FREM1: variants seen among roughly 807,000 people sequenced by gnomAD.
FREM1 encodes the protein FRAS1-related extracellular matrix protein 1.
In FREM1, 220 loss-of-function variants were observed where a neutral mutation model predicts 210.1. The observed-to-expected ratio is 1.05, with a 90% confidence interval of 0.94 to 1.17. The LOEUF is 1.17. FREM1 is among the 50% of genes most tolerant of loss of function. FREM1 has a pLI of 0.00. For missense variants in FREM1, 3,454 were observed against 2,675.5 expected (o/e 1.29, Z -6.42); for synonymous variants, 1,189 against 980.2 (o/e 1.21, Z -3.98).
chr9:14,786,828 T>C (rs1471267294), intron 23 of FREM1, among the ~76,000 whole-genome samples: 1 of 152,154 alleles, frequency 6.6e-6, no homozygotes, highest in Non-Finnish European at 1.5e-5. Context: ...CCACAGATGC[T>C]ACAGACAGAA....
intron 18 of FREM1, among the ~76,000 whole-genome samples, chr9:14,806,112 T>C (rs555626766): frequency 6.6e-6 from 1 of 152,318 alleles, no homozygotes; most frequent in African/African-American, 2.4e-5. Flanking sequence ...GTATTTTCCA[T>C]AAGTAAAATT....
chr9:14,794,472 C>G (rs1851981063), intron 21 of FREM1, among the ~76,000 whole-genome samples: 1 of 152,168 alleles, frequency 6.6e-6, no homozygotes, highest in South Asian at 2.1e-4. Context: ...TGGAGTGAGG[C>G]ACTGCGGACA....
chr9:14,749,396 A>G (rs907015830), intron 30 of FREM1, among the ~76,000 whole-genome samples: 1 of 152,136 alleles, frequency 6.6e-6, no homozygotes, highest in African/African-American at 2.4e-5. Flanking sequence ...GAAAGAGAAG[A>G]GAAGGGAATA....
chr9:14,845,454 G>A lies in FREM1; in HGVS notation c.1393+506C>T, dbSNP rs746266114. The stretch of plus-strand genomic sequence containing the variant: ...CAAGTAGTTGGGACTACAGGCGCCC[G>A]CCACCATGCCCGGCTAATTTTTGTA... On this transcript the variant is annotated intron_variant, in intron 8 of 36. Transcript: ENST00000380880. Among the ~76,000 whole-genome samples, 15 of 152,078 alleles carry A rather than the reference G, an allele frequency of 9.9e-5. No individual in the cohort carries two copies. The South Asian group carries it at 1.2e-3, about 13-fold the overall frequency.
chr9:14,797,157 T>C (rs1852575859), intron 21 of FREM1, among the ~76,000 whole-genome samples: 1 of 152,252 alleles, frequency 6.6e-6, no homozygotes, highest in African/African-American at 2.4e-5. Context: ...TATATATTAA[T>C]TGCACTTTGG....
intron 29 of FREM1, among the ~76,000 whole-genome samples, chr9:14,755,419 C>A (rs560976111): frequency 6.6e-6 from 1 of 152,188 alleles, no homozygotes; most frequent in Non-Finnish European, 1.5e-5. Flanking sequence ...GTATGCAGAA[C>A]ATCTCCTTGG....
intron 1 of FREM1, among the ~76,000 whole-genome samples, chr9:14,880,811 C>T (rs2132133027): frequency 6.6e-6 from 1 of 152,164 alleles, no homozygotes; most frequent in African/African-American, 2.4e-5. Context: ...CTTCTGACAG[C>T]CAGCGCAAAG....
intron 17 of FREM1, 106 bp from the exon 18 acceptor site, chr9:14,806,952 C>G: frequency 1.7e-6 from 1 of 582,002 alleles, no homozygotes; most frequent in Non-Finnish European, 2.9e-6. Context: ...AAGCCTCCCA[C>G]GTGCAAAAAC....
chr9:14,757,503 C>A (rs1428415866), intron 28 of FREM1, among the ~76,000 whole-genome samples: 1 of 151,836 alleles, frequency 6.6e-6, no homozygotes, highest in African/African-American at 2.4e-5. Context: ...TGCAGTGAGC[C>A]GAGATGGTGC....
At chr9:14,758,264 T>A (rs191002944) in intron 28 of FREM1, among the ~76,000 whole-genome samples, 8 of 152,310 alleles carry the variant, frequency 5.3e-5, no homozygotes, top group African/African-American at 1.9e-4. Context: ...GTTGTGCACT[T>A]TCAGCATAAA....
chr9:14,777,570 C>T (rs1320468302), intron 24 of FREM1, among the ~76,000 whole-genome samples: 3 of 151,940 alleles, frequency 2.0e-5, no homozygotes, highest in Admixed American at 6.6e-5. Flanking sequence ...CTAATGCTTT[C>T]GTAGAATGTA....
chr9:14,764,613 C>T (rs1846064128), intron 27 of FREM1, among the ~76,000 whole-genome samples: 1 of 152,148 alleles, frequency 6.6e-6, no homozygotes, highest in African/African-American at 2.4e-5. Context: ...TTCGTTGCCA[C>T]AACTGGGAAG....
intron 1 of FREM1, among the ~76,000 whole-genome samples, chr9:14,906,940 G>C (rs1282270386): frequency 6.6e-6 from 1 of 152,190 alleles, no homozygotes. Flanking sequence ...AGAGTGAAAA[G>C]TGACATGCAA....
Position 14,764,036 on chromosome 9 carries a change from T to A in FREM1, c.5205-4135A>T, listed in dbSNP as rs1168171474. Reference sequence around the variant, plus strand: ...AATTGCAGCTCCCATAATTCCCACATGTTGTGGGAGGGACCTGGTGGGAGA... The same window carrying A: ...AATTGCAGCTCCCATAATTCCCACAAGTTGTGGGAGGGACCTGGTGGGAGA... On this transcript the variant is annotated intron_variant, in intron 27 of 36. Transcript: ENST00000380880. 3.3e-5 allele frequency among the ~76,000 whole-genome samples: 5 copies of A among 152,202 alleles called. No individual in the cohort carries two copies. The South Asian group carries it at 1.0e-3, about 32-fold the overall frequency.
chr9:14,898,614 C>T (rs1838199489), intron 1 of FREM1, among the ~76,000 whole-genome samples: 1 of 152,132 alleles, frequency 6.6e-6, no homozygotes, highest in East Asian at 1.9e-4. Context: ...TGGTGGCAGG[C>T]ACCTGTAATC....
chr9:14,829,516 G>A (rs12378868), intron 10 of FREM1, among the ~76,000 whole-genome samples: 24,174 of 152,038 alleles, frequency 0.16, 2,429 homozygotes, highest in Middle Eastern at 0.26. Flanking sequence ...AGGTCATGAG[G>A]GCTCCACCCT....
intron 25 of FREM1, among the ~76,000 whole-genome samples, chr9:14,771,596 T>C (rs1184502991): frequency 2.6e-5 from 4 of 152,118 alleles, no homozygotes; most frequent in Non-Finnish European, 4.4e-5. Flanking sequence ...CAGGTTTGGA[T>C]GGATTAGAAC....
At chr9:14,809,949 A>AT (rs1819098540) in intron 16 of FREM1, among the ~76,000 whole-genome samples, 1 of 152,064 alleles carries the variant, frequency 6.6e-6, no homozygotes, top group Admixed American at 6.6e-5. Context: ...CTATTAAACC[A>AT]TTTTTTACCT....
rs117970973 is a variant in FREM1, at chr9:14,832,060, C to A, written c.1882-7068G>T. On this transcript the variant is annotated intron_variant, in intron 10 of 36. Coordinates refer to ENST00000380880, the MANE Select transcript of FREM1 (RefSeq NM_001379081.2). Reference sequence around the variant, plus strand: ...TAACAGATTGTCTTCAACATGCACTCCCCTGGAACATATTTTGAAGCACTG... The same window carrying A: ...TAACAGATTGTCTTCAACATGCACTACCCTGGAACATATTTTGAAGCACTG... 1.6e-4 allele frequency among the ~76,000 whole-genome samples: 25 copies of A among 152,346 alleles called. No individual in the cohort carries two copies. The East Asian group carries it at 4.8e-3, about 29-fold the overall frequency.
Sources: gnomAD v4.1 joint callset for allele counts (sites outside exome capture counted in the v4.1 genomes callset) on GRCh38, gnomAD v4.1.1 for gene constraint, MANE v1.5 for transcripts, NCBI Gene and HGNC (gene_info 2026-07-23, HGNC 2026-07-21) for gene names.